HMCN2: variants seen among roughly 807,000 people sequenced by gnomAD.
The protein encoded by HMCN2 is hemicentin-2.
HMCN2 carries 325 observed loss-of-function variants against 377.5 expected under a neutral mutation model. The ratio of observed to expected loss-of-function variants is 0.86; its 90% CI spans 0.79 to 0.94. The LOEUF (loss-of-function observed/expected upper bound fraction) is 0.94. HMCN2 is among the 40% of genes least tolerant of loss of function. HMCN2 has a pLI of 0.00. For synonymous variants in HMCN2, 2,007 were observed against 2,046.8 expected, an observed-to-expected ratio of 0.98 and a Z score of 0.53; for missense variants, 4,543 against 4,725.3, an observed-to-expected ratio of 0.96 and a Z score of 1.13.
chr9:130,317,484 T>G (rs1312486045), intron 15 of HMCN2, among the ~76,000 whole-genome samples: 3 of 137,170 alleles, frequency 2.2e-5, no homozygotes, highest in Non-Finnish European at 4.5e-5. Context: ...TCTCTCTCTC[T>G]CTCTCTCTCT....
At chr9:130,343,084 G>A (rs1588272746) in intron 25 of HMCN2, among the ~76,000 whole-genome samples, 1 of 152,194 alleles carries the variant, frequency 6.6e-6, no homozygotes, top group South Asian at 2.1e-4. Flanking sequence ...GGGACCCCAC[G>A]CGTGCACAGG....
chr9:130,420,536 T>C (rs1015418424), intron 86 of HMCN2, among the ~76,000 whole-genome samples: 4 of 152,222 alleles, frequency 2.6e-5, no homozygotes, highest in Admixed American at 6.5e-5. Flanking sequence ...ACTGATTGTC[T>C]CATAGTTCTG....
At chr9:130,411,000 A>C (rs1299138025) in intron 85 of HMCN2, among the ~76,000 whole-genome samples, 1 of 152,184 alleles carries the variant, frequency 6.6e-6, no homozygotes, top group Non-Finnish European at 1.5e-5. Flanking sequence ...CTCAATAGGG[A>C]TTCTGTAGAA....
chr9:130,266,566 C>G (rs1299541312), intron 1 of HMCN2, among the ~76,000 whole-genome samples: 1 of 152,248 alleles, frequency 6.6e-6, no homozygotes, highest in Non-Finnish European at 1.5e-5. Flanking sequence ...GAATTCGCTC[C>G]CAGCGGAGGC....
At position 130,304,718 on chromosome 9, in the gene HMCN2, A is replaced by C. The variant is rs1452416465; in HGVS notation, c.1544-12A>C. The C allele has an allele frequency of 2.2e-6, 1 of 458,046 alleles. No homozygotes were observed. Among genetic ancestry groups the C allele is most frequent in the African/African-American group, 2.0e-5 (1 of 49,814 alleles). The allele number at this position is 458,046 out of a possible 1,614,324, so 28.4% of individuals were successfully genotyped here. ...CAGCTCCTTGGTTCCTCCTGTGCTCATGTCCCTGCAGACCCCCCGCCGCAG... is the reference window on the plus strand; with the variant it reads ...CAGCTCCTTGGTTCCTCCTGTGCTCCTGTCCCTGCAGACCCCCCGCCGCAG... On this transcript the variant is annotated splice_polypyrimidine_tract_variant and intron_variant, in intron 10 of 97. Coordinates refer to ENST00000683500, the MANE Select transcript of HMCN2 (RefSeq NM_001291815.2). This position sits in a 1 kb window ranked among gnomAD's most constrained non-coding sequence, Gnocchi z 4.3.
chr9:130,390,630 C>T (rs992114371), intron 62 of HMCN2, among the ~76,000 whole-genome samples: 3 of 151,816 alleles, frequency 2.0e-5, no homozygotes, highest in African/African-American at 7.3e-5. Context: ...CAGTGAGGGG[C>T]TGGTTTGACT....
At chr9:130,397,402 G>C in intron 73 of HMCN2, 126 bp from the exon 74 acceptor site, 6 of 946,538 alleles carry the variant, frequency 6.3e-6, no homozygotes, top group Non-Finnish European at 8.5e-6. Flanking sequence ...GGTGGAGACA[G>C]AGCCAAACCA....
intron 25 of HMCN2, among the ~76,000 whole-genome samples, chr9:130,343,582 G>T (rs1324129227): frequency 6.6e-6 from 1 of 152,126 alleles, no homozygotes; most frequent in Non-Finnish European, 1.5e-5. Flanking sequence ...GCCACCTTGC[G>T]TTGGATTCTG....
At position 130,393,279 on chromosome 9, in the gene HMCN2, G is replaced by A; in HGVS notation, c.10204G>A (p.Ala3402Thr). The A allele has an allele frequency of 1.0e-6, 1 of 988,554 alleles. No homozygotes were observed. Among genetic ancestry groups the A allele is most frequent in the Non-Finnish European group, 1.2e-6 (1 of 830,452 alleles). 61.2% of individuals were successfully genotyped at this position (988,554 alleles called of 1,614,324 possible). A position where few individuals can be genotyped will look rare whatever the true frequency, so the allele number is the denominator to read the frequency against. ...TGTGGCCGCAAGCCCAGCTGGCGTGGCGGACAGGAACTTCACCTTGCAGGT... is the reference window on the plus strand; with the variant it reads ...TGTGGCCGCAAGCCCAGCTGGCGTGACGGACAGGAACTTCACCTTGCAGGT... ...TCVAASPAGV[A>T]DRNFTLQVQV... The change falls in exon 67 of 98, where the codon GCG (alanine) becomes ACG (threonine). Residue 3402 changes from alanine to threonine, a missense_variant. By Grantham distance (58) the Ala-to-Thr change is moderately conservative (BLOSUM62 0). Transcript: ENST00000683500. This position sits in a 1 kb window ranked among gnomAD's most constrained non-coding sequence, Gnocchi z 5.2.
chr9:130,403,731 C>A lies in HMCN2; in HGVS notation c.12014-10C>A. 7.8e-7 allele frequency: 1 copy of A among 1,287,794 alleles called. No homozygotes were observed. The highest frequency in any genetic ancestry group is 1.0e-6 in the Non-Finnish European group (1 of 987,644). 79.8% of individuals were successfully genotyped at this position (1,287,794 alleles called of 1,614,324 possible). On this transcript the variant is annotated splice_polypyrimidine_tract_variant and intron_variant, in intron 79 of 97. Transcript: ENST00000683500. ...TTCCCAGGCCCCCGATTTTCTTCTT[C>A]CTCGTTCAGGAGTGAGTACCCAGGT...
At position 130,292,956 on chromosome 9, in the gene HMCN2, C is replaced by T. The variant is rs1356387496; in HGVS notation, c.613-1899C>T. ...GCCATCATTGCTTCTGGATCAATTG[C>T]TCTATCTATCTATCTATCTATCTAT... On this transcript the variant is annotated intron_variant, in intron 4 of 97. Transcript: ENST00000683500. Among the ~76,000 whole-genome samples, 6 of 144,674 alleles carry T rather than the reference C, an allele frequency of 4.1e-5. No individual in the cohort carries two copies. The Admixed American group carries it at 4.2e-4, about 10-fold the overall frequency. 94.9% of individuals were successfully genotyped at this position (144,674 alleles called of 152,430 possible). A position where few individuals can be genotyped will look rare whatever the true frequency, so the allele number is the denominator to read the frequency against.
intron 6 of HMCN2, 55 bp downstream of exon 6, chr9:130,295,827 A>G (rs1317188177): frequency 2.2e-6 from 1 of 459,668 alleles, no homozygotes; most frequent in Admixed American, 2.4e-5. Flanking sequence ...GGCTGGAACC[A>G]TCTTCCTCCT....
chr9:130,358,881 G>A (rs1490616616), intron 36 of HMCN2, among the ~76,000 whole-genome samples: 4 of 152,138 alleles, frequency 2.6e-5, no homozygotes, highest in African/African-American at 9.7e-5. Flanking sequence ...TCACCGTGTT[G>A]GCCAGGATGG....
chr9:130,388,429 C>T lies in HMCN2; in HGVS notation c.9412C>T (p.Pro3138Ser), dbSNP rs1842128652. The stretch of plus-strand genomic sequence containing the variant: ...TGCAGTGCCCCCAACATTTGAGAAC[C>T]CCAAGACAGAGACAGTGAGCCAGGT... ...TVQVPPTFENPKTETVSQVAG... is the reference protein window; with the variant it reads ...TVQVPPTFENSKTETVSQVAG... The change falls in exon 62 of 98, where the codon CCC becomes TCC. Residue 3138 changes from proline to serine, a missense_variant. Pro to Ser is a moderately conservative substitution (Grantham distance 74). Around this residue, in one of 5 missense-constraint regions of HMCN2, gnomAD observed 736 missense variants for 773.2 expected, o/e 0.95. Coordinates refer to ENST00000683500, the MANE Select transcript of HMCN2 (RefSeq NM_001291815.2). The T allele has an allele frequency of 2.0e-6, 2 of 987,942 alleles. No individual in the cohort carries two copies. The highest frequency in any genetic ancestry group is 9.4e-5 in the South Asian group (2 of 21,378). The allele number at this position is 987,942 out of a possible 1,614,324, so 61.2% of individuals were successfully genotyped here.
chr9:130,302,049 C>CTTTTG (rs1836542546), intron 8 of HMCN2, among the ~76,000 whole-genome samples: 1 of 147,452 alleles, frequency 6.8e-6, no homozygotes, highest in Non-Finnish European at 1.5e-5. Context: ...TCTAGCTGTG[C>CTTTTG]TTTTTTTTTT....
At chr9:130,292,550 G>A (rs148789975) in intron 4 of HMCN2, among the ~76,000 whole-genome samples, 3 of 152,168 alleles carry the variant, frequency 2.0e-5, no homozygotes, top group Non-Finnish European at 4.4e-5. Flanking sequence ...CTTCGATTAA[G>A]GAGTCACTTC....
At position 130,403,808 on chromosome 9, in the gene HMCN2, A is replaced by C. The variant is rs949035798; in HGVS notation, c.12081A>C (p.Gly4027=). The C allele has an allele frequency of 3.9e-6, 5 of 1,289,812 alleles. No individual in the cohort carries two copies. The highest frequency in any genetic ancestry group is 5.1e-6 in the Non-Finnish European group (5 of 988,872). 79.9% of individuals were successfully genotyped at this position (1,289,812 alleles called of 1,614,324 possible). The change falls in exon 80 of 98, where the codon GGA becomes GGC. Residue 4027 remains glycine (G), a synonymous_variant. Transcript: ENST00000683500. ...CCCATGCCAGCCCAGAGGATGCTGGAAACTATCTCTGCATCGCTAAGAACA... is the reference window on the plus strand; with the variant it reads ...CCCATGCCAGCCCAGAGGATGCTGGCAACTATCTCTGCATCGCTAAGAACA... ...RIAHASPEDA[G]NYLCIAKNSA... is the part of the protein sequence containing the mutation.
intron 79 of HMCN2, 30 bp from the exon 80 acceptor site, chr9:130,403,711 A>G: frequency 7.8e-7 from 1 of 1,286,202 alleles, no homozygotes; most frequent in Non-Finnish European, 1.0e-6. Flanking sequence ...CCCAGTTCCC[A>G]GGCCCCCGAT....
At chr9:130,287,983 G>A (rs2131288869) in intron 4 of HMCN2, among the ~76,000 whole-genome samples, 1 of 152,322 alleles carries the variant, frequency 6.6e-6, no homozygotes, top group African/African-American at 2.4e-5. Flanking sequence ...GGCGTTTATG[G>A]TTCTCTGCGA....
Sources: allele counts gnomAD v4.1 joint callset (sites outside exome capture counted in the v4.1 genomes callset), GRCh38; gene constraint gnomAD v4.1.1; regional missense constraint gnomAD v4.1.1; non-coding constraint Gnocchi (gnomAD v3.1); transcripts MANE v1.5; gene names NCBI Gene and HGNC (gene_info 2026-07-23, HGNC 2026-07-21).